STX8: variants seen among roughly 807,000 people sequenced by gnomAD.
STX8 encodes syntaxin-8.
Under a neutral mutation model 37.5 loss-of-function variants are expected in STX8, and 23 were observed. The observed-to-expected ratio is 0.61, with a 90% CI of 0.44 to 0.87. The LOEUF (loss-of-function observed/expected upper bound fraction) is 0.87, where lower values mean the gene tolerates loss of function less well. Ranked by LOEUF, STX8 falls within the 40% of genes least tolerant of loss-of-function variation. STX8 has a pLI of 0.00. For missense variants in STX8, 313 were observed against 284.7 expected, an observed-to-expected ratio of 1.10 and a Z score of -0.71; for synonymous variants, 115 against 99.1, an observed-to-expected ratio of 1.16 and a Z score of -0.95.
intron 7 of STX8, among the ~76,000 whole-genome samples, chr17:9,323,193 T>C (rs1403033341): frequency 2.0e-5 from 3 of 152,216 alleles, no homozygotes; most frequent in Non-Finnish European, 4.4e-5. Flanking sequence ...GCTAAATCCT[T>C]ATAAATCCTT....
chr17:9,282,994 G>A (rs1028190907), intron 7 of STX8, among the ~76,000 whole-genome samples: 3 of 151,588 alleles, frequency 2.0e-5, no homozygotes, highest in Admixed American at 6.6e-5. Context: ...GCATAGGTTG[G>A]GTAGAAAGTC....
intron 5 of STX8, among the ~76,000 whole-genome samples, chr17:9,502,662 G>A (rs1031636726): frequency 6.6e-6 from 1 of 151,968 alleles, no homozygotes; most frequent in African/African-American, 2.4e-5. Flanking sequence ...GCAAATTTAC[G>A]TCCATACAAA....
intron 6 of STX8, among the ~76,000 whole-genome samples, chr17:9,413,680 T>A (rs1010371989): frequency 1.3e-5 from 2 of 152,108 alleles, no homozygotes; most frequent in Non-Finnish European, 2.9e-5. Flanking sequence ...CCCAACACTA[T>A]GTATATCCAC....
chr17:9,483,545 G>A (rs1414389963), intron 6 of STX8, among the ~76,000 whole-genome samples: 1 of 152,110 alleles, frequency 6.6e-6, no homozygotes, highest in Non-Finnish European at 1.5e-5. Context: ...CTACCACGCT[G>A]TTCTTCTAAA....
chr17:9,434,940 T>TG (rs1185767080), intron 6 of STX8, among the ~76,000 whole-genome samples: 5 of 152,344 alleles, frequency 3.3e-5, no homozygotes, highest in African/African-American at 1.2e-4. Context: ...GCCATGGCAC[T>TG]GCTGGGAGTG....
chr17:9,525,442 G>A (rs1567597393), intron 4 of STX8, among the ~76,000 whole-genome samples: 1 of 151,854 alleles, frequency 6.6e-6, no homozygotes, highest in Non-Finnish European at 1.5e-5. Context: ...CACCTCCTGG[G>A]TTCACACCAT....
intron 7 of STX8, among the ~76,000 whole-genome samples, chr17:9,293,101 G>T (rs368059356): frequency 5.3e-5 from 8 of 152,232 alleles, no homozygotes; most frequent in African/African-American, 1.9e-4. Context: ...GGACACAGCA[G>T]CCAGGGACCT....
intron 7 of STX8, among the ~76,000 whole-genome samples, chr17:9,266,089 G>A (rs1007590012): frequency 1.3e-5 from 2 of 152,174 alleles, no homozygotes; most frequent in African/African-American, 2.4e-5. Flanking sequence ...ACGCCATCAG[G>A]AAACTGCCAT....
intron 7 of STX8, among the ~76,000 whole-genome samples, chr17:9,354,318 CTTTTTTTTTTTT>C (rs35460018): frequency 8.4e-6 from 1 of 119,752 alleles, no homozygotes; most frequent in African/African-American, 3.2e-5. Flanking sequence ...AATTGTCTCA[CTTTTTTTTTTTT>C]TTTTTTTTTG....
intron 7 of STX8, among the ~76,000 whole-genome samples, chr17:9,288,037 C>T (rs1908143064): frequency 7.3e-6 from 1 of 136,232 alleles, no homozygotes; most frequent in Non-Finnish European, 1.5e-5. Context: ...TGTGAGCCAC[C>T]ATGCCTGGCC....
chr17:9,276,861 C>T (rs986075836), intron 7 of STX8, among the ~76,000 whole-genome samples: 2 of 151,908 alleles, frequency 1.3e-5, no homozygotes, highest in Non-Finnish European at 2.9e-5. Context: ...TGGTCTCGAA[C>T]TCCTGATCTC....
chr17:9,341,692 C>T (rs1457930103), intron 7 of STX8, among the ~76,000 whole-genome samples: 2 of 152,266 alleles, frequency 1.3e-5, no homozygotes, highest in Middle Eastern at 3.4e-3. Flanking sequence ...CGGCTTCGGC[C>T]TCCTAAAGTG....
At chr17:9,536,792 G>A (rs1246428877) in intron 4 of STX8, among the ~76,000 whole-genome samples, 1 of 150,000 alleles carries the variant, frequency 6.7e-6, no homozygotes, top group Non-Finnish European at 1.5e-5. Context: ...TGCCCAAGCT[G>A]GAGTGCAGTG....
At chr17:9,441,952 T>TTAGCC (rs1455232780) in intron 6 of STX8, among the ~76,000 whole-genome samples, 1 of 151,848 alleles carries the variant, frequency 6.6e-6, no homozygotes, top group Non-Finnish European at 1.5e-5. Flanking sequence ...TGGGATTACA[T>TTAGCC]ACCGCGCCTG....
intron 7 of STX8, among the ~76,000 whole-genome samples, chr17:9,317,422 C>T (rs548707269): frequency 7.0e-4 from 106 of 152,132 alleles, no homozygotes; most frequent in Non-Finnish European, 1.2e-3. Context: ...TCCCGCTTAC[C>T]AAGTGATAAA....
At chr17:9,434,117 C>A (rs1251634116) in intron 6 of STX8, among the ~76,000 whole-genome samples, 10 of 152,154 alleles carry the variant, frequency 6.6e-5, no homozygotes, top group Non-Finnish European at 1.2e-4. Context: ...AATTCTCCTG[C>A]CTCAGCCTCC....
chr17:9,396,950 T>C (rs1912426123), intron 6 of STX8, among the ~76,000 whole-genome samples: 1 of 152,234 alleles, frequency 6.6e-6, no homozygotes, highest in African/African-American at 2.4e-5. Context: ...GAGAAGGTGC[T>C]GACCTAAGTA....
chr17:9,411,708 T>C (rs1912984656), intron 6 of STX8, among the ~76,000 whole-genome samples: 1 of 152,210 alleles, frequency 6.6e-6, no homozygotes, highest in Admixed American at 6.5e-5. Context: ...TAAGCCAAAA[T>C]CGTAATTCAA....
chr17:9,420,863 T>A (rs1345537660), intron 6 of STX8, among the ~76,000 whole-genome samples: 5 of 152,194 alleles, frequency 3.3e-5, no homozygotes, highest in Non-Finnish European at 5.9e-5. Flanking sequence ...CAACTTAGAA[T>A]TGTGGACGGT....
Sources: allele counts gnomAD v4.1 joint callset (sites outside exome capture counted in the v4.1 genomes callset), GRCh38; gene constraint gnomAD v4.1.1; transcripts MANE v1.5; gene names NCBI Gene and HGNC (gene_info 2026-07-23, HGNC 2026-07-21).